DPYSL5: variants seen among roughly 807,000 people sequenced by gnomAD.
DPYSL5 encodes dihydropyrimidinase like 5, also known as dihydropyrimidinase-related protein 5.
In DPYSL5, 9 loss-of-function variants were observed where a neutral mutation model predicts 58.4. The observed-to-expected ratio is 0.15, with a 90% CI of 0.09 to 0.27. DPYSL5 has a LOEUF of 0.27. Among genes scored for constraint, DPYSL5 ranks in the 10% least tolerant of loss-of-function variants. The pLI is 1.00. For synonymous variants in DPYSL5, 293 were observed against 301.9 expected (o/e 0.97, Z 0.31); for missense variants, 499 against 770.6 (o/e 0.65, Z 4.17).
chr2:26,888,609 TG>T (rs1300182184), intron 1 of DPYSL5, among the ~76,000 whole-genome samples: 89 of 152,306 alleles, frequency 5.8e-4, no homozygotes, highest in African/African-American at 2.1e-3. Flanking sequence ...TTTAACTGTC[TG>T]GATTTTTTCC....
chr2:26,878,280 A>G (rs573069620), intron 1 of DPYSL5, among the ~76,000 whole-genome samples: 41 of 152,300 alleles, frequency 2.7e-4, no homozygotes, highest in Admixed American at 6.5e-4. Flanking sequence ...CCTATTAGCT[A>G]TTTATGTCCC....
chr2:26,928,718 TAC>T (rs1664893048), intron 5 of DPYSL5, among the ~76,000 whole-genome samples: 3 of 58,144 alleles, frequency 5.2e-5, no homozygotes, highest in South Asian at 7.7e-4. Context: ...CACACACACA[TAC>T]ATATATATAC....
In DPYSL5 at chr2:26,916,438, C is replaced by T. The variant is rs185482611; in HGVS notation, c.262-8449C>T. On this transcript the variant is annotated intron_variant, in intron 2 of 12. Coordinates refer to ENST00000288699, the MANE Select transcript of DPYSL5 (RefSeq NM_020134.4). ...GATGGCAGTGTGGCCTGACTCCTCT[C>T]TGCAAATGTGCTCCTAAACTTCACA... is the stretch of plus-strand genomic sequence containing the variant. Among the ~76,000 whole-genome samples the T allele has an allele frequency of 2.9e-4, 44 of 152,292 alleles. 1 individual carries two copies. The highest frequency in any genetic ancestry group is 3.4e-3 in the Middle Eastern group (1 of 294).
At chr2:26,904,637 T>C (rs1274095061) in intron 2 of DPYSL5, among the ~76,000 whole-genome samples, 1 of 152,206 alleles carries the variant, frequency 6.6e-6, no homozygotes, top group African/African-American at 2.4e-5. Context: ...GCGCTGTGGC[T>C]CATGCCACTA....
chr2:26,881,358 G>T (rs959478488), intron 1 of DPYSL5, among the ~76,000 whole-genome samples: 11 of 152,136 alleles, frequency 7.2e-5, no homozygotes, highest in Non-Finnish European at 1.6e-4. Context: ...GTGCCCACTG[G>T]CCTGCCACCC....
chr2:26,947,205 T>C lies in DPYSL5; in HGVS notation c.*210T>C. ...GCACTTTGAGATGTGTTCCTCCTGC[T>C]GTAGTCCTTTCTGCCTTGGCCTCGG... is the stretch of plus-strand genomic sequence containing the variant. On this transcript the variant is annotated 3_prime_UTR_variant, in exon 13 of 13. Transcript: ENST00000288699. The surrounding 1 kb of genome is among the most constrained non-coding windows in gnomAD (Gnocchi z 4.2). The C allele has an allele frequency of 1.8e-6, 1 of 543,192 alleles. No homozygotes were observed. Among genetic ancestry groups the C allele is most frequent in the Non-Finnish European group, 3.3e-6 (1 of 300,232 alleles). The allele number at this position is 543,192 out of a possible 1,614,324, so 33.6% of individuals were successfully genotyped here.
intron 1 of DPYSL5, among the ~76,000 whole-genome samples, chr2:26,864,050 C>T (rs761808072): frequency 5.3e-5 from 8 of 152,112 alleles, no homozygotes; most frequent in Non-Finnish European, 8.8e-5. Flanking sequence ...TGAGACCAGC[C>T]TGGACAACAT....
chr2:26,948,856 CA>C lies in DPYSL5; in HGVS notation c.*1867del. On this transcript the variant is annotated 3_prime_UTR_variant, in exon 13 of 13. Transcript: ENST00000288699. ...TGGACGACAGAGTGAGACTCCATCT[CA>C]AAAAACAGACAAACAAAAAAGTCAG... 1 of 152,560 alleles carries C rather than the reference CA, an allele frequency of 6.6e-6. No homozygotes were observed. Among genetic ancestry groups the C allele is most frequent in the Non-Finnish European group, 1.5e-5 (1 of 68,318 alleles). 9.5% of individuals were successfully genotyped at this position (152,560 alleles called of 1,614,324 possible).
chr2:26,887,703 G>C (rs978274779), intron 1 of DPYSL5, among the ~76,000 whole-genome samples: 1 of 147,984 alleles, frequency 6.8e-6, no homozygotes, highest in African/African-American at 2.7e-5. Flanking sequence ...ACAAGACAGT[G>C]GTTGGATAGC....
At chr2:26,928,376 A>G (rs1188712238) in intron 5 of DPYSL5, 53 bp downstream of exon 5, 13 of 1,585,700 alleles carry the variant, frequency 8.2e-6, no homozygotes, top group African/African-American at 1.3e-5. Flanking sequence ...AGATTGACAG[A>G]ATCTTCCAGG....
chr2:26,942,539 C>T lies in DPYSL5; in HGVS notation c.1233-4C>T, dbSNP rs1665351175. ...TTTCTCTCCCGCCATTGCCTCCCCA[C>T]CAGGACCATCTCAGCCAGCACGCAG... On this transcript the variant is annotated splice_region_variant and splice_polypyrimidine_tract_variant and intron_variant, in intron 10 of 12. Transcript: ENST00000288699. The surrounding 1 kb of genome is among the most constrained non-coding windows in gnomAD (Gnocchi z 5.9). The T allele has an allele frequency of 6.2e-7, 1 of 1,613,344 alleles. No individual in the cohort carries two copies. The highest frequency in any genetic ancestry group is 1.3e-5 in the African/African-American group (1 of 74,942).
intron 1 of DPYSL5, among the ~76,000 whole-genome samples, chr2:26,889,719 A>G (rs567677124): frequency 6.6e-6 from 1 of 151,728 alleles, no homozygotes; most frequent in Admixed American, 6.6e-5. Flanking sequence ...CTGTATCACA[A>G]CAATTGCCCT....
At chr2:26,902,833 C>T (rs1322001799) in intron 2 of DPYSL5, among the ~76,000 whole-genome samples, 5 of 152,112 alleles carry the variant, frequency 3.3e-5, no homozygotes, top group Non-Finnish European at 5.9e-5. Flanking sequence ...ACCAAGAGGG[C>T]CACAAGAAGT....
Position 26,938,594 on chromosome 2 carries a change from G to A in DPYSL5, c.948-1437G>A, listed in dbSNP as rs1258086928. 3.3e-5 allele frequency: 5 copies of A among 152,378 alleles called. No homozygotes were observed. In the East Asian group the frequency reaches 9.7e-4, roughly 29 times the overall value. 9.4% of individuals were successfully genotyped at this position (152,378 alleles called of 1,614,324 possible). A position where few individuals can be genotyped will look rare whatever the true frequency, so the allele number is the denominator to read the frequency against. On this transcript the variant is annotated intron_variant, in intron 8 of 12. Coordinates refer to ENST00000288699, the MANE Select transcript of DPYSL5 (RefSeq NM_020134.4). ...ACATTAGTCACTGGGCAGGAGCTGAGACTGATAAGCCCTGCCAGGTCCCCC... is the reference window on the plus strand; with the variant it reads ...ACATTAGTCACTGGGCAGGAGCTGAAACTGATAAGCCCTGCCAGGTCCCCC...
At chr2:26,851,665 A>G (rs1053969206) in intron 1 of DPYSL5, among the ~76,000 whole-genome samples, 2 of 152,196 alleles carry the variant, frequency 1.3e-5, no homozygotes, top group African/African-American at 4.8e-5. Context: ...AATTGTGGCC[A>G]GGCACAGTGG....
chr2:26,938,858 C>T (rs1665248148), intron 8 of DPYSL5: 2 of 152,434 alleles, frequency 1.3e-5, no homozygotes, highest in Admixed American at 1.3e-4. Flanking sequence ...ACCTGACTCC[C>T]CTGCTCCAGC....
At chr2:26,880,655 A>T (rs1663537048) in intron 1 of DPYSL5, among the ~76,000 whole-genome samples, 1 of 152,090 alleles carries the variant, frequency 6.6e-6, no homozygotes, top group Non-Finnish European at 1.5e-5. Flanking sequence ...GCCAGAGAAC[A>T]CCTGCTTTGC....
intron 2 of DPYSL5, among the ~76,000 whole-genome samples, chr2:26,913,207 A>G (rs945918006): frequency 6.6e-6 from 1 of 152,080 alleles, no homozygotes; most frequent in African/African-American, 2.4e-5. Context: ...CATCTTCCCC[A>G]CTGGCTCTCT....
intron 1 of DPYSL5, among the ~76,000 whole-genome samples, chr2:26,888,394 C>T (rs1663783979): frequency 2.0e-5 from 3 of 152,048 alleles, no homozygotes; most frequent in Admixed American, 6.6e-5. Context: ...CCTCAGCCTC[C>T]CGAGTAGCTG....
Sources: allele counts gnomAD v4.1 joint callset (sites outside exome capture counted in the v4.1 genomes callset), GRCh38; gene constraint gnomAD v4.1.1; non-coding constraint Gnocchi (gnomAD v3.1); transcripts MANE v1.5; gene names NCBI Gene and HGNC (gene_info 2026-07-23, HGNC 2026-07-21).